PTPRD: variants seen among roughly 807,000 people sequenced by gnomAD.
The protein encoded by PTPRD is receptor-type tyrosine-protein phosphatase delta.
PTPRD carries 34 observed loss-of-function variants against 214.5 expected under a neutral mutation model. The ratio of observed to expected loss-of-function variants is 0.16; its 90% CI spans 0.12 to 0.21. The LOEUF (loss-of-function observed/expected upper bound fraction) is 0.21, where lower values mean the gene tolerates loss of function less well. Ranked by LOEUF, PTPRD falls within the 10% of genes least tolerant of loss-of-function variation. The probability of loss-of-function intolerance (pLI) is 1.00; values close to 1 mark genes in which losing one functional copy is unlikely to be tolerated. For missense variants in PTPRD, 2,545 were observed against 2,398.7 expected, an observed-to-expected ratio of 1.06 and a Z score of -1.27; for synonymous variants, 1,128 against 845.7, an observed-to-expected ratio of 1.33 and a Z score of -5.79.
chr9:10,511,671 C>A (rs920017520), intron 2 of PTPRD, among the ~76,000 whole-genome samples: 1 of 150,644 alleles, frequency 6.6e-6, no homozygotes, highest in Non-Finnish European at 1.5e-5. Flanking sequence ...GCCTAGGCCT[C>A]CCAAAGTGCT....
At chr9:9,136,361 A>C (rs1412323297) in intron 10 of PTPRD, among the ~76,000 whole-genome samples, 1 of 152,044 alleles carries the variant, frequency 6.6e-6, no homozygotes, top group East Asian at 1.9e-4. Flanking sequence ...TCTCTTTATT[A>C]TTTACTTATA....
intron 36 of PTPRD, 82 bp downstream of exon 36, chr9:8,404,455 A>G: frequency 6.6e-7 from 1 of 1,511,780 alleles, no homozygotes; most frequent in Non-Finnish European, 9.0e-7. Context: ...GAGATGGTTA[A>G]TAACCTCACT....
intron 11 of PTPRD, among the ~76,000 whole-genome samples, chr9:8,938,329 A>G (rs1223166799): frequency 6.6e-6 from 1 of 152,098 alleles, no homozygotes; most frequent in Non-Finnish European, 1.5e-5. Flanking sequence ...AGAACACAAG[A>G]TGACAGAAAT....
intron 5 of PTPRD, among the ~76,000 whole-genome samples, chr9:9,854,415 G>A (rs568813584): frequency 2.6e-5 from 4 of 151,846 alleles, no homozygotes; most frequent in African/African-American, 9.7e-5. Context: ...AGTGAGGGTT[G>A]GGAAATATTT....
At position 9,674,656 on chromosome 9, in the gene PTPRD, C is replaced by T. The variant is rs112049174; in HGVS notation, c.-287+59877G>A. ...TACATACCTTGAAATGCTAACTAAG[C>T]GAATTATATTAATCTTAGGCAAAAT... On this transcript the variant is annotated intron_variant, in intron 7 of 45. Coordinates refer to ENST00000381196, the MANE Select transcript of PTPRD (RefSeq NM_002839.4). Among the ~76,000 whole-genome samples the T allele has an allele frequency of 9.6e-3, 1,460 of 151,584 alleles. 8 individuals are homozygous for T. Among genetic ancestry groups the T allele is most frequent in the Non-Finnish European group, 0.015 (1,007 of 67,652 alleles).
At chr9:8,424,213 A>C (rs1324770924) in intron 35 of PTPRD, among the ~76,000 whole-genome samples, 1 of 152,156 alleles carries the variant, frequency 6.6e-6, no homozygotes, top group Non-Finnish European at 1.5e-5. Flanking sequence ...TCACCTGACT[A>C]CTATGTGATC....
intron 5 of PTPRD, among the ~76,000 whole-genome samples, chr9:9,931,792 A>C (rs1185371612): frequency 6.6e-6 from 1 of 151,742 alleles, no homozygotes; most frequent in African/African-American, 2.4e-5. Context: ...ACAAACAAAA[A>C]GACAGCAGTA....
chr9:9,941,938 T>G (rs750273712), intron 4 of PTPRD, among the ~76,000 whole-genome samples: 2 of 152,206 alleles, frequency 1.3e-5, no homozygotes, highest in Non-Finnish European at 1.5e-5. Flanking sequence ...TGTATTTGAA[T>G]GATTTAAAAT....
intron 11 of PTPRD, among the ~76,000 whole-genome samples, chr9:8,740,931 T>C (rs565121544): frequency 2.7e-4 from 41 of 152,116 alleles, no homozygotes; most frequent in Non-Finnish European, 4.7e-4. Flanking sequence ...ACAATTCCTA[T>C]CAATATAGAC....
chr9:10,346,463 T>C (rs976953596), intron 2 of PTPRD, among the ~76,000 whole-genome samples: 7 of 152,210 alleles, frequency 4.6e-5, no homozygotes, highest in Non-Finnish European at 8.8e-5. Flanking sequence ...TAAGAATATA[T>C]GATACAGTAA....
At chr9:8,417,525 T>C (rs187413545) in intron 35 of PTPRD, among the ~76,000 whole-genome samples, 15 of 152,322 alleles carry the variant, frequency 9.8e-5, no homozygotes, top group Non-Finnish European at 1.5e-4. Context: ...AGCACTTTAA[T>C]AGGATTTCTA....
chr9:9,954,707 GTTCCT>G (rs2093759196), intron 4 of PTPRD, among the ~76,000 whole-genome samples: 4 of 151,962 alleles, frequency 2.6e-5, no homozygotes, highest in African/African-American at 9.7e-5. Context: ...ATCTGAAACA[GTTCCT>G]ATTTTTTATA....
chr9:8,330,392 T>TAAAC (rs1322214224), intron 44 of PTPRD, among the ~76,000 whole-genome samples: 1 of 151,950 alleles, frequency 6.6e-6, no homozygotes, highest in Non-Finnish European at 1.5e-5. Flanking sequence ...TAGTATAAAG[T>TAAAC]AAACACAACT....
chr9:10,169,473 C>CAAAAAAAAAAAAAAAAAAAAAAAAA (rs59335943), intron 3 of PTPRD, among the ~76,000 whole-genome samples: 4 of 66,840 alleles, frequency 6.0e-5, no homozygotes, highest in African/African-American at 2.1e-4. Context: ...GACTCTGTCT[C>CAAAAAAAAAAAAAAAAAAAAAAAAA]AAAAAAAAAA....
At chr9:8,603,438 A>G (rs1361926074) in intron 14 of PTPRD, among the ~76,000 whole-genome samples, 1 of 152,310 alleles carries the variant, frequency 6.6e-6, no homozygotes, top group African/African-American at 2.4e-5. Context: ...AGTGGTTTCA[A>G]AAGTATTTAC....
At chr9:10,123,728 G>C (rs1002945927) in intron 3 of PTPRD, among the ~76,000 whole-genome samples, 4 of 152,184 alleles carry the variant, frequency 2.6e-5, no homozygotes, top group Admixed American at 6.5e-5. Flanking sequence ...CCTTGGAATA[G>C]TGAATACGTC....
At chr9:8,503,425 CTTCAA>C (rs1375225357) in intron 23 of PTPRD, among the ~76,000 whole-genome samples, 5 of 152,018 alleles carry the variant, frequency 3.3e-5, no homozygotes, top group Non-Finnish European at 5.9e-5. Flanking sequence ...CAACAAAACT[CTTCAA>C]TTCAAGGTAA....
At chr9:9,853,440 A>C (rs924763820) in intron 5 of PTPRD, among the ~76,000 whole-genome samples, 1 of 152,210 alleles carries the variant, frequency 6.6e-6, no homozygotes, top group Admixed American at 6.5e-5. Context: ...TGACTCACAG[A>C]CAATATATAG....
chr9:9,361,593 C>G (rs1315124545), intron 9 of PTPRD, among the ~76,000 whole-genome samples: 1 of 150,770 alleles, frequency 6.6e-6, no homozygotes, highest in Non-Finnish European at 1.5e-5. Context: ...AAGATCAAAT[C>G]AGTGTAATTG....
Sources: allele counts gnomAD v4.1 joint callset (sites outside exome capture counted in the v4.1 genomes callset), GRCh38; gene constraint gnomAD v4.1.1; transcripts MANE v1.5; gene names NCBI Gene and HGNC (gene_info 2026-07-23, HGNC 2026-07-21).